Variants in UVRAG observed in about 807,000 individuals in gnomAD.
The protein encoded by UVRAG is UV radiation resistance-associated gene protein.
In UVRAG, 19 loss-of-function variants were observed where a neutral mutation model predicts 78.0. The observed-to-expected ratio is 0.24, with a 90% CI of 0.17 to 0.36. UVRAG has a LOEUF of 0.36. Ranked by LOEUF, UVRAG falls within the 10% of genes least tolerant of loss-of-function variation. The probability of loss-of-function intolerance (pLI) is 1.00; values close to 1 mark genes in which losing one functional copy is unlikely to be tolerated. For missense variants in UVRAG, 740 were observed against 853.8 expected (o/e 0.87, Z 1.66); for synonymous variants, 323 against 324.6 (o/e 1.00, Z 0.05).
intron 6 of UVRAG, among the ~76,000 whole-genome samples, chr11:75,933,336 T>C (rs148669697): frequency 2.6e-5 from 4 of 152,282 alleles, no homozygotes; most frequent in African/African-American, 9.6e-5. Context: ...CCACTGTCTC[T>C]TGCCATATAA....
chr11:75,985,473 T>C (rs925624272), intron 8 of UVRAG, among the ~76,000 whole-genome samples: 1 of 152,052 alleles, frequency 6.6e-6, no homozygotes, highest in Non-Finnish European at 1.5e-5. Flanking sequence ...TGGCATATGC[T>C]TAAAAATATA....
In UVRAG at chr11:75,832,630, A is replaced by C. The variant is rs528886075; in HGVS notation, c.117+17106A>C. Among the ~76,000 whole-genome samples the C allele has an allele frequency of 2.0e-5, 3 of 152,314 alleles. No individual in the cohort carries two copies. In the East Asian group the frequency reaches 5.8e-4, roughly 29 times the overall value. ...GGGTTTCAGGGAGGTTCTATTAGGT[A>C]GCCATGATTGATTATATCATTGGCT... On this transcript the variant is annotated intron_variant, in intron 1 of 14. Transcript: ENST00000356136.
intron 5 of UVRAG, among the ~76,000 whole-genome samples, chr11:75,907,641 G>A (rs756477520): frequency 6.6e-6 from 1 of 151,690 alleles, no homozygotes; most frequent in Non-Finnish European, 1.5e-5. Flanking sequence ...AGCCTCCTGA[G>A]TAGCCGGGAC....
At chr11:75,829,554 G>A (rs894862108) in intron 1 of UVRAG, among the ~76,000 whole-genome samples, 12 of 152,170 alleles carry the variant, frequency 7.9e-5, no homozygotes, top group African/African-American at 2.9e-4. Flanking sequence ...CTGTTTAGGT[G>A]CTGGAAGTAA....
chr11:75,847,977 A>G (rs1441700683), intron 1 of UVRAG, among the ~76,000 whole-genome samples: 1 of 151,584 alleles, frequency 6.6e-6, no homozygotes, highest in Non-Finnish European at 1.5e-5. Context: ...CTCAAAAAAA[A>G]AAAAAAGAAA....
intron 13 of UVRAG, among the ~76,000 whole-genome samples, chr11:76,094,333 T>A (rs1357143681): frequency 6.6e-6 from 1 of 152,202 alleles, no homozygotes; most frequent in Non-Finnish European, 1.5e-5. Context: ...TTTTGTTGAC[T>A]CTCTGCCAGG....
chr11:75,832,560 A>C (rs1945681959), intron 1 of UVRAG, among the ~76,000 whole-genome samples: 1 of 152,170 alleles, frequency 6.6e-6, no homozygotes, highest in African/African-American at 2.4e-5. Context: ...GCCTCCTAGC[A>C]CTTCAATGTA....
chr11:75,836,828 C>A (rs1183829383), intron 1 of UVRAG, among the ~76,000 whole-genome samples: 2 of 152,210 alleles, frequency 1.3e-5, no homozygotes, highest in African/African-American at 4.8e-5. Flanking sequence ...GCAGCTATAA[C>A]TGTAATTCTA....
chr11:76,057,726 TC>T (rs1489272962), intron 12 of UVRAG, among the ~76,000 whole-genome samples: 1 of 150,910 alleles, frequency 6.6e-6, no homozygotes, highest in East Asian at 2.0e-4. Context: ...TTTTTTTTTT[TC>T]CCCCTCTTTA....
chr11:75,973,751 C>T (rs918344502), intron 7 of UVRAG, among the ~76,000 whole-genome samples: 7 of 152,146 alleles, frequency 4.6e-5, no homozygotes, highest in Admixed American at 1.3e-4. Context: ...TGTTCCCCAC[C>T]CTGTGCCCAA....
chr11:76,004,569 AT>A (rs1464848563), intron 9 of UVRAG, among the ~76,000 whole-genome samples: 1 of 150,814 alleles, frequency 6.6e-6, no homozygotes, highest in African/African-American at 2.4e-5. Context: ...TTTTTACCTT[AT>A]TTTTTATCTT....
At chr11:76,097,238 G>A in intron 13 of UVRAG, among the ~76,000 whole-genome samples, 1 of 152,072 alleles carries the variant, frequency 6.6e-6, no homozygotes, top group East Asian at 1.9e-4. Context: ...GGGGCACCTG[G>A]AATTCAGAAC....
chr11:75,883,225 CATCATGTTTTTCAAGTCA>C, intron 4 of UVRAG, among the ~76,000 whole-genome samples: 1 of 152,002 alleles, frequency 6.6e-6, no homozygotes. Flanking sequence ...AGATGGGTTT[CATCATGTTTTTCAAGTCA>C]CACTTTCCTT....
At chr11:75,974,377 T>G (rs1949189665) in intron 7 of UVRAG, among the ~76,000 whole-genome samples, 1 of 137,530 alleles carries the variant, frequency 7.3e-6, no homozygotes, top group African/African-American at 2.9e-5. Flanking sequence ...TTTTTTTTTT[T>G]GAGACGGAGT....
At chr11:76,126,701 A>G (rs1356013098) in intron 14 of UVRAG, among the ~76,000 whole-genome samples, 1 of 152,172 alleles carries the variant, frequency 6.6e-6, no homozygotes, top group African/African-American at 2.4e-5. Context: ...CCTTTTGCAC[A>G]CAACTAATTA....
At chr11:75,861,680 T>C in intron 2 of UVRAG, 66 bp from the exon 3 acceptor site, 1 of 1,198,558 alleles carries the variant, frequency 8.3e-7, no homozygotes, top group Non-Finnish European at 1.2e-6. Flanking sequence ...AATTAGAGGA[T>C]TAACAGTTGG....
chr11:75,987,064 A>G (rs898165153), intron 8 of UVRAG, among the ~76,000 whole-genome samples: 2 of 152,200 alleles, frequency 1.3e-5, no homozygotes, highest in African/African-American at 4.8e-5. Context: ...GCTGCTTATG[A>G]GCATTCATAT....
At chr11:75,884,408 T>G (rs1947033314) in intron 4 of UVRAG, among the ~76,000 whole-genome samples, 1 of 152,130 alleles carries the variant, frequency 6.6e-6, no homozygotes, top group Non-Finnish European at 1.5e-5. Flanking sequence ...TCTTTTCATT[T>G]TTTAATGTTG....
At chr11:76,044,104 A>G (rs184253215) in intron 12 of UVRAG, among the ~76,000 whole-genome samples, 151 of 152,262 alleles carry the variant, frequency 9.9e-4, no homozygotes, top group African/African-American at 3.5e-3. Flanking sequence ...TGTGGCCCTC[A>G]TGGTCCAAGA....
Sources: allele counts gnomAD v4.1 joint callset (sites outside exome capture counted in the v4.1 genomes callset), GRCh38; gene constraint gnomAD v4.1.1; transcripts MANE v1.5; gene names NCBI Gene and HGNC (gene_info 2026-07-23, HGNC 2026-07-21).